Variants in SLC25A22 observed in about 807,000 individuals in gnomAD.
SLC25A22 encodes mitochondrial glutamate carrier 1.
Under a neutral mutation model 33.7 loss-of-function variants are expected in SLC25A22, and 23 were observed. The observed-to-expected ratio is 0.68, with a 90% confidence interval of 0.49 to 0.97. The LOEUF is 0.97. SLC25A22 is among the 50% of genes least tolerant of loss of function. SLC25A22 has a pLI of 0.00. For synonymous variants in SLC25A22, 245 were observed against 203.8 expected, an observed-to-expected ratio of 1.20 and a Z score of -1.72; for missense variants, 390 against 451.1, an observed-to-expected ratio of 0.86 and a Z score of 1.23.
rs567628237 is a variant in SLC25A22 at position 792,058 on chromosome 11, G to T, written c.829C>A (p.Arg277=). 1 of 1,598,130 alleles carries T rather than the reference G, an allele frequency of 6.3e-7. No homozygotes were observed. Among genetic ancestry groups the T allele is most frequent in the Non-Finnish European group, 8.5e-7 (1 of 1,172,886 alleles). ...GILDCARKIL[R]HEGPSAFLKG... Reference sequence around the variant, plus strand: ...AGGAAGGCCGAGGGGCCCTCGTGCCGCAGGATCTTCCTGTGGAGGAAGGAC... The same window carrying T: ...AGGAAGGCCGAGGGGCCCTCGTGCCTCAGGATCTTCCTGTGGAGGAAGGAC... Residue 277 remains arginine (R), a synonymous_variant, in exon 10 of 10, where the codon CGG becomes AGG. Transcript: ENST00000628067.
rs1165907220 is a variant in SLC25A22 at position 794,836 on chromosome 11, A to C, written c.86T>G (p.Ile29Ser). Residue 29 changes from isoleucine (I) to serine (S), a missense_variant, in exon 3 of 10, where the codon ATC becomes AGC. By Grantham distance (142) the Ile-to-Ser change is moderately radical. Transcript: ENST00000628067. ...CTGCAGCCTGGTCTTGGCCAGGTCG[A>C]TGGGAAACACGCAGGTGACACCGAT... is the stretch of plus-strand genomic sequence containing the variant. ...GLIGVTCVFP[I>S]DLAKTRLQNQ... 1 of 1,588,806 alleles carries C rather than the reference A, an allele frequency of 6.3e-7. No homozygotes were observed. Among genetic ancestry groups the C allele is most frequent in the Non-Finnish European group, 8.6e-7 (1 of 1,168,444 alleles).
chr11:797,272 G>A (rs1466982588), intron 1 of SLC25A22, among the ~76,000 whole-genome samples: 3 of 152,178 alleles, frequency 2.0e-5, no homozygotes, highest in Non-Finnish European at 4.4e-5. Context: ...GGAGAATGAT[G>A]ACAGTGAGGG....
At position 791,637 on chromosome 11, in the gene SLC25A22, T is replaced by G; in HGVS notation, c.*278A>C. On this transcript the variant is annotated 3_prime_UTR_variant, in exon 10 of 10. Transcript: ENST00000628067. Reference sequence around the variant, plus strand: ...CAGAGACCAGCTCTGTCCCTGGGGGTGTTCAGGCCAGGGCAGGATTGGGGC... The same window carrying G: ...CAGAGACCAGCTCTGTCCCTGGGGGGGTTCAGGCCAGGGCAGGATTGGGGC... The G allele has an allele frequency of 4.0e-6, 2 of 503,638 alleles. No homozygotes were observed. Among genetic ancestry groups the G allele is most frequent in the Admixed American group, 3.4e-5 (1 of 29,336 alleles). 31.2% of individuals were successfully genotyped at this position (503,638 alleles called of 1,614,324 possible). A position where few individuals can be genotyped will look rare whatever the true frequency, so the allele number is the denominator to read the frequency against.
chr11:795,011 C>G lies in SLC25A22; in HGVS notation c.-5G>C, dbSNP rs202235391. 1.8e-5 allele frequency: 28 copies of G among 1,554,652 alleles called. No homozygotes were observed. Among genetic ancestry groups the G allele is most frequent in the East Asian group, 2.4e-5 (1 of 41,544 alleles). On this transcript the variant is annotated 5_prime_UTR_variant, in exon 2 of 10. Transcript: ENST00000628067. ...CCTGATCTGCTTATCAGCCATTTAA[C>G]TCGATTGCACCCAGGTAGGAGCCGC...
rs1157704688 is a variant in SLC25A22 at position 791,692 on chromosome 11, C to G, written c.*223G>C. The G allele has an allele frequency of 6.5e-6, 4 of 619,598 alleles. No homozygotes were observed. The Admixed American group carries it at 1.2e-4, about 18-fold the overall frequency. The allele number at this position is 619,598 out of a possible 1,614,324, so 38.4% of individuals were successfully genotyped here. The stretch of plus-strand genomic sequence containing the variant: ...GCTAGCTTGAGGAATGTAAAGATTT[C>G]TGCATTTTCTACATAAATGAGACAT... On this transcript the variant is annotated 3_prime_UTR_variant, in exon 10 of 10. Transcript: ENST00000628067.
chr11:791,457 A>C lies in SLC25A22; in HGVS notation c.*458T>G. ...CCAAGGCGACAAGAGCGGCTGGGGA[A>C]GGACGGAAGGGCTGGAGAGCCGCTT... On this transcript the variant is annotated 3_prime_UTR_variant, in exon 10 of 10. Coordinates refer to ENST00000628067, the MANE Select transcript of SLC25A22 (RefSeq NM_001191061.2). The C allele has an allele frequency of 5.0e-6, 1 of 199,370 alleles. No individual in the cohort carries two copies. The highest frequency in any genetic ancestry group is 1.0e-5 in the Non-Finnish European group (1 of 96,194). 12.4% of individuals were successfully genotyped at this position (199,370 alleles called of 1,614,324 possible).
chr11:792,762 G>A (rs1166708281), intron 6 of SLC25A22, 35 bp from the exon 7 acceptor site: 1 of 1,545,280 alleles, frequency 6.5e-7, no homozygotes, highest in Non-Finnish European at 8.7e-7. Context: ...CCTCTTCTGT[G>A]CGAACTGGGC....
rs966702701 is a variant in SLC25A22 at position 794,231 on chromosome 11, C to T, written c.202+227G>A. 2.0e-5 allele frequency: 14 copies of T among 705,244 alleles called. No homozygotes were observed. In the Admixed American group the frequency reaches 2.2e-4, roughly 11 times the overall value. 43.7% of individuals were successfully genotyped at this position (705,244 alleles called of 1,614,324 possible). A position where few individuals can be genotyped will look rare whatever the true frequency, so the allele number is the denominator to read the frequency against. On this transcript the variant is annotated intron_variant, in intron 4 of 9. Coordinates refer to ENST00000628067, the MANE Select transcript of SLC25A22 (RefSeq NM_001191061.2). Reference sequence around the variant, plus strand: ...GACAGATGTACCATGGCATCCCACGCACCAGGCACTAAGTGGGGGTGGGGA... The same window carrying T: ...GACAGATGTACCATGGCATCCCACGTACCAGGCACTAAGTGGGGGTGGGGA...
At chr11:793,466 G>A in intron 5 of SLC25A22, 63 bp downstream of exon 5, 1 of 1,530,650 alleles carries the variant, frequency 6.5e-7, no homozygotes, top group Non-Finnish European at 9.0e-7. Context: ...CAGCTGGCAG[G>A]GTGGACCCAT....
At chr11:795,425 G>C in intron 1 of SLC25A22, 1 of 373,980 alleles carries the variant, frequency 2.7e-6, no homozygotes, top group Admixed American at 3.8e-5. Flanking sequence ...CTCACGCTCG[G>C]GGCTCACGTG....
intron 1 of SLC25A22, 139 bp from the exon 2 acceptor site, chr11:795,308 G>A (rs1372652267): frequency 2.0e-5 from 11 of 557,090 alleles, no homozygotes; most frequent in Admixed American, 8.6e-5. Flanking sequence ...GTGCAGCAGC[G>A]GGAGGCACCT....
At chr11:798,126 C>A (rs1864934713) in intron 1 of SLC25A22, 91 bp downstream of exon 1, 1 of 398,050 alleles carries the variant, frequency 2.5e-6, no homozygotes, top group Non-Finnish European at 4.4e-6. Context: ...GCAGCTGTCA[C>A]CTCCCTCGGC....
rs1565037117 is a variant in SLC25A22 at position 792,938 on chromosome 11, G to A, written c.344C>T (p.Thr115Ile). 2 of 1,613,232 alleles carry A rather than the reference G, an allele frequency of 1.2e-6. No homozygotes were observed. Among genetic ancestry groups the A allele is most frequent in the Non-Finnish European group, 1.7e-6 (2 of 1,179,904 alleles). Reference sequence around the variant, plus strand: ...GGGCGTGGTCACGATCACCTGGCAGGTGCCAGCCCCACAGCCCGCCAGCAT... The same window carrying A: ...GGGCGTGGTCACGATCACCTGGCAGATGCCAGCCCCACAGCCCGCCAGCAT... ...KEMLAGCGAG[T>I]CQVIVTTPME... Residue 115 changes from threonine (T) to isoleucine (I), a missense_variant, in exon 6 of 10, where the codon ACC becomes ATC. Coordinates refer to ENST00000628067, the MANE Select transcript of SLC25A22 (RefSeq NM_001191061.2).
chr11:795,503 G>A (rs1185827589), intron 1 of SLC25A22: 3 of 333,022 alleles, frequency 9.0e-6, no homozygotes, highest in Non-Finnish European at 5.9e-6. Flanking sequence ...GCCGGGGCCA[G>A]GGTGCCTACC....
At position 795,029 on chromosome 11, in the gene SLC25A22, G is replaced by A. The variant is rs1403819983; in HGVS notation, c.-23C>T. The A allele has an allele frequency of 6.4e-6, 10 of 1,553,072 alleles. No individual in the cohort carries two copies. The highest frequency in any genetic ancestry group is 8.7e-6 in the Non-Finnish European group (10 of 1,148,302). ...CATTTAACTCGATTGCACCCAGGTAGGAGCCGCAGAGGTGGACGCCAGGCC... is the reference window on the plus strand; with the variant it reads ...CATTTAACTCGATTGCACCCAGGTAAGAGCCGCAGAGGTGGACGCCAGGCC... On this transcript the variant is annotated 5_prime_UTR_variant, in exon 2 of 10. Transcript: ENST00000628067.
chr11:794,966 C>T, intron 2 of SLC25A22, 21 bp downstream of exon 2: 4 of 1,561,750 alleles, frequency 2.6e-6, no homozygotes, highest in Non-Finnish European at 3.5e-6. Flanking sequence ...GTGAGGCACG[C>T]AGCCAGGACT....
intron 1 of SLC25A22, among the ~76,000 whole-genome samples, chr11:797,338 C>T (rs1864878298): frequency 6.6e-6 from 1 of 152,178 alleles, no homozygotes; most frequent in African/African-American, 2.4e-5. Context: ...CCCCGCCTTT[C>T]TCTGCCCTCA....
At chr11:795,227 C>T in intron 1 of SLC25A22, 58 bp from the exon 2 acceptor site, 1 of 661,776 alleles carries the variant, frequency 1.5e-6, no homozygotes. Flanking sequence ...GAGTAATCCT[C>T]CCCCAGCCTC....
rs776639940 is a variant in SLC25A22 at position 795,035 on chromosome 11, G to A, written c.-29C>T. ...ACTCGATTGCACCCAGGTAGGAGCC[G>A]CAGAGGTGGACGCCAGGCCAGGCGG... On this transcript the variant is annotated 5_prime_UTR_variant, in exon 2 of 10. Transcript: ENST00000628067. 34 of 1,552,472 alleles carry A rather than the reference G, an allele frequency of 2.2e-5. No homozygotes were observed. The highest frequency in any genetic ancestry group is 1.5e-4 in the East Asian group (6 of 41,248).
Sources: gnomAD v4.1 joint callset for allele counts (sites outside exome capture counted in the v4.1 genomes callset) on GRCh38, gnomAD v4.1.1 for gene constraint, MANE v1.5 for transcripts, NCBI Gene and HGNC (gene_info 2026-07-23, HGNC 2026-07-21) for gene names.